CLDN16: variants seen among roughly 807,000 people sequenced by gnomAD.
CLDN16 encodes the protein claudin-16.
Under a neutral mutation model 24.6 loss-of-function variants are expected in CLDN16, and 13 were observed. The ratio of observed to expected loss-of-function variants is 0.53; its 90% CI spans 0.34 to 0.84. The LOEUF is 0.84. Among genes scored for constraint, CLDN16 ranks in the 40% least tolerant of loss-of-function variants. The probability of loss-of-function intolerance (pLI) is 0.01; values close to 1 mark genes in which losing one functional copy is unlikely to be tolerated. For missense variants in CLDN16, 298 were observed against 292.7 expected (o/e 1.02, Z -0.13); for synonymous variants, 116 against 106.7 (o/e 1.09, Z -0.54).
chr3:190,344,514 C>A (rs192108523), intron 1 of CLDN16, among the ~76,000 whole-genome samples: 213 of 151,646 alleles, frequency 1.4e-3, no homozygotes, highest in Non-Finnish European at 2.4e-3. Context: ...ATACATAGTA[C>A]ATACTGTATT....
At chr3:190,308,545 A>T in the CLDN16 span, 1 of 1,073,782 alleles carries the variant, frequency 9.3e-7, no homozygotes, top group Non-Finnish European at 1.4e-6. Context: ...TTTCATTGAA[A>T]ATAACCCCTG....
intron 1 of CLDN16, among the ~76,000 whole-genome samples, chr3:190,389,764 T>C (rs1315060328): frequency 6.6e-6 from 1 of 152,200 alleles, no homozygotes; most frequent in Non-Finnish European, 1.5e-5. Flanking sequence ...AGATAAAACG[T>C]TCTGCTGTCA....
chr3:190,349,685 A>G (rs1350297494), intron 1 of CLDN16, among the ~76,000 whole-genome samples: 1 of 152,184 alleles, frequency 6.6e-6, no homozygotes, highest in Non-Finnish European at 1.5e-5. Context: ...GGTGAAAATG[A>G]TAGTGTGCCA....
At chr3:190,328,592 T>A (rs1349480231) in intron 1 of CLDN16, among the ~76,000 whole-genome samples, 2 of 151,992 alleles carry the variant, frequency 1.3e-5, no homozygotes, top group African/African-American at 4.8e-5. Context: ...GAATAGAGTG[T>A]GGTAGGCTGG....
At chr3:190,363,555 T>C (rs73889988) in intron 1 of CLDN16, among the ~76,000 whole-genome samples, 3,751 of 8,560 alleles carry the variant, frequency 0.44, 528 homozygotes, top group Middle Eastern at 0.67. Context: ...TGTGTGTGTG[T>C]GTATATATAT....
intron 1 of CLDN16, among the ~76,000 whole-genome samples, chr3:190,348,253 C>CAAAAA (rs35983526): frequency 1.1e-4 from 6 of 56,014 alleles, no homozygotes; most frequent in Non-Finnish European, 1.6e-4. Flanking sequence ...GACTCCGTCT[C>CAAAAA]AAAAAAAAAA....
chr3:190,300,416 G>T, the CLDN16 span, among the ~76,000 whole-genome samples: 3 of 152,074 alleles, frequency 2.0e-5, no homozygotes, highest in African/African-American at 7.3e-5. Flanking sequence ...CAATTCTCCT[G>T]CTTTCCTATT....
intron 3 of CLDN16, among the ~76,000 whole-genome samples, chr3:190,380,074 T>C (rs1718328349): frequency 6.6e-6 from 1 of 151,600 alleles, no homozygotes; most frequent in Non-Finnish European, 1.5e-5. Context: ...AGTTACTAAG[T>C]GGCTGACCTA....
Position 190,388,283 on chromosome 3 carries a change from G to A in CLDN16, c.-47G>A, listed in dbSNP as rs201380153. 1.5e-5 allele frequency: 15 copies of A among 991,072 alleles called. No individual in the cohort carries two copies. Among genetic ancestry groups the A allele is most frequent in the Non-Finnish European group, 2.2e-5 (15 of 684,166 alleles). The allele number at this position is 991,072 out of a possible 1,614,324, so 61.4% of individuals were successfully genotyped here. On this transcript the variant is annotated 5_prime_UTR_variant, in exon 1 of 5. Transcript: ENST00000264734. ...GACACCCGCCACTTAAGTGGGGCCAGGGCTGGTGTCTGCCCATGTTGCCAT... is the reference window on the plus strand; with the variant it reads ...GACACCCGCCACTTAAGTGGGGCCAAGGCTGGTGTCTGCCCATGTTGCCAT...
chr3:190,383,597 C>G (rs1054974408), upstream of CLDN16, among the ~76,000 whole-genome samples: 2 of 152,102 alleles, frequency 1.3e-5, no homozygotes, highest in African/African-American at 4.8e-5. Context: ...TTACCTGAAA[C>G]ATTACCTGAA....
the CLDN16 span, among the ~76,000 whole-genome samples, chr3:190,311,003 T>C: frequency 6.6e-6 from 1 of 152,226 alleles, no homozygotes; most frequent in Non-Finnish European, 1.5e-5. Flanking sequence ...GTAGTAATTC[T>C]AAGTATTCAT....
chr3:190,330,745 T>C (rs1248049414), intron 1 of CLDN16, among the ~76,000 whole-genome samples: 1 of 152,162 alleles, frequency 6.6e-6, no homozygotes, highest in Admixed American at 6.5e-5. Flanking sequence ...ACAAGTTGCC[T>C]TATTGTGTCA....
Position 190,410,074 on chromosome 3 carries a change from C to A in CLDN16, c.*38C>A. 6.2e-7 allele frequency: 1 copy of A among 1,607,850 alleles called. No individual in the cohort carries two copies. Among genetic ancestry groups the A allele is most frequent in the South Asian group, 1.1e-5 (1 of 90,916 alleles). On this transcript the variant is annotated 3_prime_UTR_variant, in exon 5 of 5. Coordinates refer to ENST00000264734, the MANE Select transcript of CLDN16 (RefSeq NM_006580.4). ...AGGGTGTGTTTGCATATGATTTAATCAATCAGTATGGTTACATTGATAAAA... is the reference window on the plus strand; with the variant it reads ...AGGGTGTGTTTGCATATGATTTAATAAATCAGTATGGTTACATTGATAAAA...
intron 1 of CLDN16, among the ~76,000 whole-genome samples, chr3:190,339,074 AT>A (rs58789156): frequency 0.069 from 10,458 of 152,226 alleles, 552 homozygotes; most frequent in African/African-American, 0.14. Context: ...GGCCAAGAAA[AT>A]TATCTGATTA....
intron 1 of CLDN16, among the ~76,000 whole-genome samples, chr3:190,323,608 T>C (rs16865347): frequency 0.1 from 15,322 of 152,160 alleles, 941 homozygotes; most frequent in East Asian, 0.22. Flanking sequence ...AACAGAAGCA[T>C]CTTGGAAGCA....
At chr3:190,319,300 G>T (rs1716856078), upstream of CLDN16, among the ~76,000 whole-genome samples, 1 of 152,090 alleles carries the variant, frequency 6.6e-6, no homozygotes, top group African/African-American at 2.4e-5. Flanking sequence ...TCAGCTACAA[G>T]AATCCCCAGG....
chr3:190,372,831 G>A (rs537640361), intron 2 of CLDN16, among the ~76,000 whole-genome samples: 20 of 151,960 alleles, frequency 1.3e-4, no homozygotes, highest in East Asian at 7.8e-4. Context: ...TTCCCAATAC[G>A]AGGGGCTTGT....
intron 1 of CLDN16, among the ~76,000 whole-genome samples, chr3:190,367,750 C>G (rs1442057837): frequency 6.6e-6 from 1 of 151,946 alleles, no homozygotes; most frequent in East Asian, 1.9e-4. Flanking sequence ...GTTTTATGCA[C>G]TTTTGGCTCC....
At chr3:190,290,381 C>T in the CLDN16 span, among the ~76,000 whole-genome samples, 1 of 152,144 alleles carries the variant, frequency 6.6e-6, no homozygotes, top group Non-Finnish European at 1.5e-5. Flanking sequence ...GAGCTTTTGT[C>T]TGTGAAGGCT....
Sources: allele counts gnomAD v4.1 joint callset (sites outside exome capture counted in the v4.1 genomes callset), GRCh38; gene constraint gnomAD v4.1.1; transcripts MANE v1.5; gene names NCBI Gene and HGNC (gene_info 2026-07-23, HGNC 2026-07-21).